ZNF331: variants seen among roughly 807,000 people sequenced by gnomAD.
The protein encoded by ZNF331 is zinc finger protein 331.
In ZNF331, 2 loss-of-function variants were observed where a neutral mutation model predicts 7.0. The ratio of observed to expected loss-of-function variants is 0.29; its 90% CI spans 0.12 to 0.90. The LOEUF is 0.90. Ranked by LOEUF, ZNF331 falls within the 40% of genes least tolerant of loss-of-function variation. The pLI, the probability that ZNF331 is intolerant of heterozygous loss-of-function variation, is 0.58. For synonymous variants in ZNF331, 196 were observed against 205.4 expected (o/e 0.95, Z 0.39); for missense variants, 432 against 587.7 (o/e 0.74, Z 2.74).
At chr19:53,508,267 A>G in the ZNF331 span, among the ~76,000 whole-genome samples, 4 of 152,150 alleles carry the variant, frequency 2.6e-5, no homozygotes, top group African/African-American at 9.7e-5. Context: ...TCCTGGCAGA[A>G]TGAGTGCATT....
intron 3 of ZNF331, among the ~76,000 whole-genome samples, chr19:53,557,627 C>A (rs1383505736): frequency 1.3e-5 from 2 of 152,186 alleles, no homozygotes; most frequent in Admixed American, 1.3e-4. Flanking sequence ...AAAACCAACT[C>A]ATTTTTCTTC....
intron 5 of ZNF331, among the ~76,000 whole-genome samples, chr19:53,572,153 C>T (rs1176430309): frequency 6.6e-6 from 1 of 152,112 alleles, no homozygotes; most frequent in East Asian, 1.9e-4. Context: ...GTTTGAAGTA[C>T]AGTAGATCAG....
In ZNF331 at chr19:53,560,128, A is replaced by G. The variant is rs1387692338; in HGVS notation, c.-74+4220A>G. Among the ~76,000 whole-genome samples the G allele has an allele frequency of 1.3e-5, 2 of 149,192 alleles. No individual in the cohort carries two copies. Among genetic ancestry groups the G allele is most frequent in the Admixed American group, 6.7e-5 (1 of 15,014 alleles). On this transcript the variant is annotated intron_variant, in intron 3 of 5. Coordinates refer to ENST00000449416, the MANE Select transcript of ZNF331 (RefSeq NM_001079906.2). The surrounding 1 kb of genome is among the most constrained non-coding windows in gnomAD (Gnocchi z 4.3). ...ACACCATACACACACATATATACAC[A>G]CACCATATATATACACACATATATA...
chr19:53,574,203 T>C (rs534485415), intron 5 of ZNF331, among the ~76,000 whole-genome samples: 5 of 152,344 alleles, frequency 3.3e-5, no homozygotes, highest in Admixed American at 3.3e-4. Context: ...ATTTCGTTTT[T>C]TTAAAGGAGG....
chr19:53,551,797 A>C (rs2089028436), intron 2 of ZNF331, among the ~76,000 whole-genome samples: 1 of 152,206 alleles, frequency 6.6e-6, no homozygotes. Context: ...AGAATCTAGA[A>C]TCTAAAATGT....
chr19:53,508,948 G>A, the ZNF331 span, among the ~76,000 whole-genome samples: 1 of 152,100 alleles, frequency 6.6e-6, no homozygotes, highest in Non-Finnish European at 1.5e-5. Context: ...CTGAAACCTG[G>A]AGAGCAGTCA....
intron 2 of ZNF331, among the ~76,000 whole-genome samples, chr19:53,528,800 T>C (rs1350157831): frequency 2.0e-5 from 3 of 148,054 alleles, no homozygotes; most frequent in Non-Finnish European, 1.5e-5. Context: ...TTTTTTTTTT[T>C]CTGAGACAGA....
intron 3 of ZNF331, 49 bp from the exon 4 acceptor site, chr19:53,569,255 T>C: frequency 9.6e-7 from 1 of 1,039,430 alleles, no homozygotes; most frequent in Non-Finnish European, 1.5e-6. Context: ...TACATCACTA[T>C]GGGGACCCCA....
At chr19:53,532,938 ATGT>A (rs1213016555) in intron 2 of ZNF331, among the ~76,000 whole-genome samples, 1 of 151,944 alleles carries the variant, frequency 6.6e-6, no homozygotes, top group African/African-American at 2.4e-5. Flanking sequence ...TGGTTTTTCA[ATGT>A]TGTTTATCTT....
rs1426703984 is a variant in ZNF331, at chr19:53,578,660, C to T, written c.*708C>T. On this transcript the variant is annotated 3_prime_UTR_variant, in exon 6 of 6. Coordinates refer to ENST00000449416, the MANE Select transcript of ZNF331 (RefSeq NM_001079906.2). Reference sequence around the variant, plus strand: ...GTTTCAGGTGTCCACTGCGGGTCTTCAAACGTACCCCCCTCAGGTGAGAGG... The same window carrying T: ...GTTTCAGGTGTCCACTGCGGGTCTTTAAACGTACCCCCCTCAGGTGAGAGG... 9.7e-6 allele frequency: 2 copies of T among 206,044 alleles called. No homozygotes were observed. The highest frequency in any genetic ancestry group is 1.5e-4 in the East Asian group (2 of 13,490). 12.8% of individuals were successfully genotyped at this position (206,044 alleles called of 1,614,324 possible). A position where few individuals can be genotyped will look rare whatever the true frequency, so the allele number is the denominator to read the frequency against.
the ZNF331 span, among the ~76,000 whole-genome samples, chr19:53,510,542 GTCTATT>G: frequency 6.6e-6 from 1 of 151,430 alleles, no homozygotes; most frequent in African/African-American, 2.4e-5. Flanking sequence ...ATGCACTGCA[GTCTATT>G]TCTGAGTTGT....
upstream of ZNF331, among the ~76,000 whole-genome samples, chr19:53,518,027 C>A (rs2086944931): frequency 6.6e-6 from 1 of 152,148 alleles, no homozygotes; most frequent in East Asian, 1.9e-4. Context: ...CTGGGTGTAT[C>A]TGTGAGGGTG....
intron 2 of ZNF331, among the ~76,000 whole-genome samples, chr19:53,546,147 A>G (rs1287932545): frequency 4.3e-4 from 46 of 108,154 alleles, no homozygotes; most frequent in African/African-American, 3.5e-3. Context: ...GGGGAAAAAA[A>G]AAAAAAAAAA....
intron 2 of ZNF331, among the ~76,000 whole-genome samples, chr19:53,541,556 C>T (rs922067002): frequency 2.0e-5 from 3 of 152,278 alleles, no homozygotes; most frequent in African/African-American, 2.4e-5. Flanking sequence ...CTTCCCACCT[C>T]GGCCTCTCAA....
At chr19:53,553,597 G>A (rs1317859476) in intron 2 of ZNF331, among the ~76,000 whole-genome samples, 1 of 144,918 alleles carries the variant, frequency 6.9e-6, no homozygotes, top group Non-Finnish European at 1.5e-5. Flanking sequence ...GAGTCAAAAT[G>A]AGACTGTGGT....
In ZNF331 at chr19:53,577,037, T is replaced by C; in HGVS notation, c.477T>C (p.Tyr159=). Residue 159 remains tyrosine, a synonymous_variant, in exon 6 of 6, where the codon TAT becomes TAC. Transcript: ENST00000449416. Reference sequence around the variant, plus strand: ...AAATCCATACTGGTGAGAAACCTTATGAATGTAAAGAATGTAAGAAGGCCT... The same window carrying C: ...AAATCCATACTGGTGAGAAACCTTACGAATGTAAAGAATGTAAGAAGGCCT... ...HQKIHTGEKP[Y]ECKECKKAFR... The C allele has an allele frequency of 3.1e-6, 5 of 1,613,458 alleles. No individual in the cohort carries two copies. The highest frequency in any genetic ancestry group is 4.2e-6 in the Non-Finnish European group (5 of 1,179,694).
At chr19:53,515,561 G>A (rs1230570982), upstream of ZNF331, among the ~76,000 whole-genome samples, 5 of 152,162 alleles carry the variant, frequency 3.3e-5, no homozygotes, top group East Asian at 3.9e-4. Context: ...GCAATGGCGC[G>A]ATCTCGGCTC....
At chr19:53,566,926 C>T (rs1392093329) in intron 3 of ZNF331, among the ~76,000 whole-genome samples, 1 of 151,696 alleles carries the variant, frequency 6.6e-6, no homozygotes, top group African/African-American at 2.4e-5. Flanking sequence ...TCCCTCCTTC[C>T]CTCTCTCCTC....
At chr19:53,527,363 T>G (rs2087346392) in intron 2 of ZNF331, among the ~76,000 whole-genome samples, 1 of 152,150 alleles carries the variant, frequency 6.6e-6, no homozygotes, top group Non-Finnish European at 1.5e-5. Flanking sequence ...AATTCATGAA[T>G]GCAGGAATAT....
Sources: allele counts gnomAD v4.1 joint callset (sites outside exome capture counted in the v4.1 genomes callset), GRCh38; gene constraint gnomAD v4.1.1; non-coding constraint Gnocchi (gnomAD v3.1); transcripts MANE v1.5; gene names NCBI Gene and HGNC (gene_info 2026-07-23, HGNC 2026-07-21).